NUP85: variants seen among roughly 807,000 people sequenced by gnomAD.
NUP85 encodes nuclear pore complex protein Nup85.
In NUP85, 23 loss-of-function variants were observed where a neutral mutation model predicts 92.8. The observed-to-expected ratio is 0.25, with a 90% CI of 0.18 to 0.35. The LOEUF is 0.35. NUP85 is among the 10% of genes least tolerant of loss of function. NUP85 has a pLI of 1.00. For synonymous variants in NUP85, 314 were observed against 306.9 expected, an observed-to-expected ratio of 1.02 and a Z score of -0.24; for missense variants, 759 against 822.8, an observed-to-expected ratio of 0.92 and a Z score of 0.95.
intron 11 of NUP85, chr17:75,228,938 T>C (rs2075933370): frequency 1.0e-6 from 1 of 985,308 alleles, no homozygotes; most frequent in Non-Finnish European, 1.2e-6. Flanking sequence ...GCTAACCCCT[T>C]AGCTGAAAGG....
chr17:75,226,228 G>C (rs1411495046), intron 11 of NUP85, 71 bp downstream of exon 11: 2 of 1,300,116 alleles, frequency 1.5e-6, no homozygotes, highest in East Asian at 2.3e-5. Flanking sequence ...CGTTTCTAGA[G>C]TGGCCTGTTC....
At chr17:75,207,010 T>A (rs895912654) in intron 1 of NUP85, among the ~76,000 whole-genome samples, 5 of 151,790 alleles carry the variant, frequency 3.3e-5, no homozygotes, top group Non-Finnish European at 7.4e-5. Flanking sequence ...CCCGGCCGAT[T>A]TCTGGTCTTT....
At position 75,232,648 on chromosome 17, in the gene NUP85, G is replaced by A. The variant is rs112056436; in HGVS notation, c.1397-203G>A. Among the ~76,000 whole-genome samples the A allele has an allele frequency of 6.6e-5, 10 of 152,234 alleles. No individual in the cohort carries two copies. The South Asian group carries it at 8.3e-4, about 13-fold the overall frequency. ...ACACACTCATAGAGCCAGTCTTGCC[G>A]TGATGGGCACTTACACTCTTAGCAG... On this transcript the variant is annotated intron_variant, in intron 14 of 18. Transcript: ENST00000245544.
intron 4 of NUP85, 28 bp downstream of exon 4, chr17:75,212,090 G>GTT: frequency 7.8e-7 from 1 of 1,287,726 alleles, no homozygotes. Flanking sequence ...GTGCGCGCGT[G>GTT]TGTGTGTGTG....
At chr17:75,210,771 C>T (rs183552958) in intron 3 of NUP85, among the ~76,000 whole-genome samples, 71 of 150,338 alleles carry the variant, frequency 4.7e-4, no homozygotes, top group African/African-American at 6.4e-4. Context: ...ACGCGTTCTC[C>T]GCTCACTGTA....
chr17:75,217,663 C>T (rs959984967), intron 6 of NUP85, among the ~76,000 whole-genome samples: 5 of 152,116 alleles, frequency 3.3e-5, no homozygotes, highest in Admixed American at 2.0e-4. Context: ...TGCGCCACCA[C>T]GCCCGGCTAA....
chr17:75,233,425 CTTTTA>C (rs1292164117), intron 16 of NUP85, among the ~76,000 whole-genome samples: 3 of 89,324 alleles, frequency 3.4e-5, no homozygotes, highest in South Asian at 4.1e-4. Context: ...TTCTTCTTTT[CTTTTA>C]TTTTTTCTTT....
Position 75,234,796 on chromosome 17 carries a change from T to G in NUP85, c.1767+8T>G. The G allele has an allele frequency of 6.2e-7, 1 of 1,614,092 alleles. No individual in the cohort carries two copies. The highest frequency in any genetic ancestry group is 8.5e-7 in the Non-Finnish European group (1 of 1,180,002). On this transcript the variant is annotated splice_region_variant and intron_variant, in intron 17 of 18. Transcript: ENST00000245544. ...CTTTTGGAACAGAAACAGGTGAAGGTTGCAGCAGCAGTGGTTTTCTTTGCT... is the reference window on the plus strand; with the variant it reads ...CTTTTGGAACAGAAACAGGTGAAGGGTGCAGCAGCAGTGGTTTTCTTTGCT...
intron 16 of NUP85, among the ~76,000 whole-genome samples, chr17:75,234,346 C>T (rs1403267949): frequency 6.6e-6 from 1 of 152,242 alleles, no homozygotes; most frequent in Non-Finnish European, 1.5e-5. Context: ...GCATGAGCCA[C>T]CACGCCTGGC....
rs546247980 is a variant in NUP85, at chr17:75,217,453, C to T, written c.476-732C>T. Among the ~76,000 whole-genome samples, 28 of 152,154 alleles carry T rather than the reference C, an allele frequency of 1.8e-4. No individual in the cohort carries two copies. In the South Asian group the frequency reaches 5.2e-3, roughly 28 times the overall value. On this transcript the variant is annotated intron_variant, in intron 6 of 18. Transcript: ENST00000245544. Reference sequence around the variant, plus strand: ...CTGGGCTCAAGCGATCTGCCTGCCTCAGCCTCCCAAAGTGCTGGGATTACA... The same window carrying T: ...CTGGGCTCAAGCGATCTGCCTGCCTTAGCCTCCCAAAGTGCTGGGATTACA...
intron 5 of NUP85, 93 bp from the exon 6 acceptor site, chr17:75,215,661 T>G: frequency 2.6e-6 from 3 of 1,136,334 alleles, no homozygotes; most frequent in Non-Finnish European, 4.0e-6. Flanking sequence ...AAGGAATGAC[T>G]GTCATATGAG....
rs566481437 is a variant in NUP85, at chr17:75,217,498, G to A, written c.476-687G>A. 2.6e-5 allele frequency among the ~76,000 whole-genome samples: 4 copies of A among 151,744 alleles called. No individual in the cohort carries two copies. In the South Asian group the frequency reaches 6.3e-4, roughly 24 times the overall value. ...ATTACAGACATGAACTACCATGCCC[G>A]GCCATATGTTTTGTTTTGTTTTGTT... On this transcript the variant is annotated intron_variant, in intron 6 of 18. Transcript: ENST00000245544.
chr17:75,207,938 C>A (rs923871098), intron 1 of NUP85, among the ~76,000 whole-genome samples: 3 of 151,846 alleles, frequency 2.0e-5, no homozygotes, highest in Non-Finnish European at 2.9e-5. Flanking sequence ...TGCAGTGAGT[C>A]GAGATTGCGT....
At chr17:75,217,572 C>T (rs898302925) in intron 6 of NUP85, among the ~76,000 whole-genome samples, 5 of 152,006 alleles carry the variant, frequency 3.3e-5, no homozygotes, top group African/African-American at 1.2e-4. Context: ...TGCAGTTGTG[C>T]GATCTTGGCT....
At chr17:75,206,586 C>T (rs1365303086) in intron 1 of NUP85, among the ~76,000 whole-genome samples, 1 of 152,066 alleles carries the variant, frequency 6.6e-6, no homozygotes, top group African/African-American at 2.4e-5. Context: ...TGATTACATT[C>T]TTGTGAGTCG....
chr17:75,223,123 C>G (rs2075648747), intron 7 of NUP85, among the ~76,000 whole-genome samples: 1 of 151,474 alleles, frequency 6.6e-6, no homozygotes, highest in East Asian at 1.9e-4. Flanking sequence ...AGTTCTTGCA[C>G]TTAGCAACAC....
At chr17:75,218,588 G>GTTTTTT (rs67761124) in intron 7 of NUP85, among the ~76,000 whole-genome samples, 5,419 of 82,752 alleles carry the variant, frequency 0.065, 860 homozygotes, top group Middle Eastern at 0.094. Context: ...ATACAAAACC[G>GTTTTTT]TTTTTTTTTT....
At chr17:75,235,225 G>T in intron 18 of NUP85, 24 bp downstream of exon 18, 2 of 1,567,248 alleles carry the variant, frequency 1.3e-6, no homozygotes, top group South Asian at 2.2e-5. Context: ...TTGGGTTGAT[G>T]GTTCCACATG....
chr17:75,228,096 C>T, intron 11 of NUP85: 1 of 639,014 alleles, frequency 1.6e-6, no homozygotes, highest in Non-Finnish European at 1.9e-6. Flanking sequence ...TTCTAAATTT[C>T]CTGTGTTATA....
Sources: gnomAD v4.1 joint callset for allele counts (sites outside exome capture counted in the v4.1 genomes callset) on GRCh38, gnomAD v4.1.1 for gene constraint, MANE v1.5 for transcripts, NCBI Gene and HGNC (gene_info 2026-07-23, HGNC 2026-07-21) for gene names.